TUSC3: variants seen among roughly 807,000 people sequenced by gnomAD.
TUSC3 encodes the protein tumor suppressor candidate 3.
In TUSC3, 45 loss-of-function variants were observed where a neutral mutation model predicts 44.8. That is an observed-to-expected ratio of 1.00 (90% CI 0.79 to 1.29). The LOEUF is 1.29. Ranked by LOEUF, TUSC3 falls within the 50% of genes most tolerant of loss-of-function variation. TUSC3 has a pLI of 0.00. For missense variants in TUSC3, 519 were observed against 437.9 expected, an observed-to-expected ratio of 1.19 and a Z score of -1.65; for synonymous variants, 212 against 152.9, an observed-to-expected ratio of 1.39 and a Z score of -2.85.
intron 1 of TUSC3, among the ~76,000 whole-genome samples, chr8:15,565,666 G>T (rs1050834254): frequency 6.6e-6 from 1 of 152,110 alleles, no homozygotes; most frequent in Non-Finnish European, 1.5e-5. Flanking sequence ...AGCTTCATCT[G>T]ATTCTCTGTA....
intron 2 of TUSC3, among the ~76,000 whole-genome samples, chr8:15,487,845 A>G (rs1304302892): frequency 2.0e-5 from 3 of 151,208 alleles, no homozygotes; most frequent in African/African-American, 7.3e-5. Flanking sequence ...ACTATATCTA[A>G]TTTATTATCT....
At chr8:15,471,606 C>T (rs976543034) in intron 1 of TUSC3, among the ~76,000 whole-genome samples, 3 of 150,010 alleles carry the variant, frequency 2.0e-5, no homozygotes, top group African/African-American at 7.4e-5. Flanking sequence ...ACGGAAATTT[C>T]TTTCCAGTTC....
the TUSC3 span, among the ~76,000 whole-genome samples, chr8:15,804,645 T>C: frequency 5.0e-3 from 767 of 152,334 alleles, 11 homozygotes; most frequent in African/African-American, 0.018. Context: ...TGCACACCTT[T>C]ATTACTGAGT....
At chr8:15,644,343 TG>T (rs1178593787) in intron 2 of TUSC3, among the ~76,000 whole-genome samples, 1 of 152,204 alleles carries the variant, frequency 6.6e-6, no homozygotes, top group African/African-American at 2.4e-5. Flanking sequence ...ACTACATTCA[TG>T]AAGTTAGGCC....
intron 1 of TUSC3, among the ~76,000 whole-genome samples, chr8:15,611,164 A>AT (rs1201492368): frequency 6.6e-6 from 1 of 152,112 alleles, no homozygotes; most frequent in African/African-American, 2.4e-5. Context: ...TGTATCAAAT[A>AT]TTTCAAAGAA....
intron 2 of TUSC3, among the ~76,000 whole-genome samples, chr8:15,512,889 C>G (rs1226047143): frequency 6.7e-5 from 6 of 88,906 alleles, no homozygotes; most frequent in East Asian, 4.4e-4. Context: ...TATATATACA[C>G]ACAATTCTCT....
upstream of TUSC3, among the ~76,000 whole-genome samples, chr8:15,539,345 C>CTTTTTTTTTTTTTTTTTT (rs35685582): frequency 1.4e-5 from 1 of 69,396 alleles, no homozygotes; most frequent in East Asian, 5.0e-4. Flanking sequence ...TGCTATGGTT[C>CTTTTTTTTTTTTTTTTTT]TTTTTTTTTT....
the TUSC3 span, among the ~76,000 whole-genome samples, chr8:15,788,546 CAA>C: frequency 5.3e-4 from 40 of 75,482 alleles, no homozygotes; most frequent in Admixed American, 6.2e-4. Context: ...GACTCTATCT[CAA>C]AAAAAAAAAA....
intron 6 of TUSC3, among the ~76,000 whole-genome samples, chr8:15,716,230 T>A (rs1235392345): frequency 6.6e-6 from 1 of 152,162 alleles, no homozygotes; most frequent in Non-Finnish European, 1.5e-5. Flanking sequence ...CACTCCAGCC[T>A]GGGCGACAGA....
chr8:15,847,473 G>C, the TUSC3 span, among the ~76,000 whole-genome samples: 3 of 152,086 alleles, frequency 2.0e-5, no homozygotes, highest in Non-Finnish European at 2.9e-5. Context: ...CTTCCACTGT[G>C]CTTGACTGGG....
chr8:15,666,301 T>G (rs1331110993), intron 5 of TUSC3, among the ~76,000 whole-genome samples: 3 of 151,474 alleles, frequency 2.0e-5, no homozygotes, highest in African/African-American at 7.3e-5. Flanking sequence ...AGATAAAGCA[T>G]CATTAAAATA....
At chr8:15,486,887 G>A (rs141578931) in intron 2 of TUSC3, among the ~76,000 whole-genome samples, 37 of 152,248 alleles carry the variant, frequency 2.4e-4, no homozygotes, top group African/African-American at 8.9e-4. Flanking sequence ...TGCAGTAATA[G>A]CAATATATCC....
chr8:15,462,108 AT>A (rs920733155), intron 1 of TUSC3, among the ~76,000 whole-genome samples: 2 of 152,084 alleles, frequency 1.3e-5, no homozygotes, highest in African/African-American at 4.8e-5. Flanking sequence ...GGAGAGAAGC[AT>A]TTAATAGCTT....
intron 2 of TUSC3, among the ~76,000 whole-genome samples, chr8:15,642,294 G>A (rs1428937008): frequency 1.3e-5 from 2 of 152,140 alleles, no homozygotes; most frequent in East Asian, 3.9e-4. Flanking sequence ...AGAATAGTAT[G>A]TGAATCTCTA....
intron 4 of TUSC3, among the ~76,000 whole-genome samples, chr8:15,661,226 C>G (rs1324126065): frequency 6.6e-6 from 1 of 152,022 alleles, no homozygotes; most frequent in South Asian, 2.1e-4. Context: ...TGAGCTACCA[C>G]TACCCATATT....
At chr8:15,844,632 C>G in the TUSC3 span, among the ~76,000 whole-genome samples, 1 of 152,150 alleles carries the variant, frequency 6.6e-6, no homozygotes, top group African/African-American at 2.4e-5. Context: ...TATTAAAAAT[C>G]TCCATTATTG....
At chr8:15,799,574 G>A in the TUSC3 span, among the ~76,000 whole-genome samples, 3 of 152,260 alleles carry the variant, frequency 2.0e-5, no homozygotes, top group African/African-American at 4.8e-5. Context: ...TCGTCAGTGG[G>A]CAGTGGTGAA....
intron 2 of TUSC3, among the ~76,000 whole-genome samples, chr8:15,504,598 TATATATATATATATATATA>T (rs1488679290): frequency 1.8e-4 from 7 of 39,192 alleles, no homozygotes; most frequent in African/African-American, 1.0e-3. Context: ...TATATATATA[TATATATATATATATATATA>T]TATATTTTTT....
intron 1 of TUSC3, among the ~76,000 whole-genome samples, chr8:15,475,153 A>T (rs1255247025): frequency 6.6e-6 from 1 of 152,128 alleles, no homozygotes; most frequent in Non-Finnish European, 1.5e-5. Context: ...ACCATGCTAC[A>T]CCTAAAGTCT....
Sources: allele counts gnomAD v4.1 joint callset (sites outside exome capture counted in the v4.1 genomes callset), GRCh38; gene constraint gnomAD v4.1.1; transcripts MANE v1.5; gene names NCBI Gene and HGNC (gene_info 2026-07-23, HGNC 2026-07-21).